SMU1: variants seen among roughly 807,000 people sequenced by gnomAD.
SMU1 encodes WD40 repeat-containing protein SMU1.
Under a neutral mutation model 62.0 loss-of-function variants are expected in SMU1, and 2 were observed. That is an observed-to-expected ratio of 0.03 (90% CI 0.01 to 0.10). The LOEUF (loss-of-function observed/expected upper bound fraction) is 0.10, where lower values mean the gene tolerates loss of function less well. SMU1 is among the 10% of genes least tolerant of loss of function. The pLI is 1.00. For missense variants in SMU1, 227 were observed against 622.1 expected (o/e 0.36, Z 6.76); for synonymous variants, 188 against 212.4 (o/e 0.89, Z 1.00).
chr9:33,069,667 T>C (rs759445464), intron 3 of SMU1, among the ~76,000 whole-genome samples: 4 of 151,960 alleles, frequency 2.6e-5, no homozygotes, highest in Non-Finnish European at 5.9e-5. Flanking sequence ...CAGGCCATAG[T>C]GGTGGGTGCC....
At chr9:33,069,559 C>T (rs1017353064) in intron 3 of SMU1, among the ~76,000 whole-genome samples, 1 of 152,106 alleles carries the variant, frequency 6.6e-6, no homozygotes, top group Non-Finnish European at 1.5e-5. Flanking sequence ...CCAACATTTT[C>T]GGGGGCTGAG....
intron 3 of SMU1, among the ~76,000 whole-genome samples, chr9:33,071,317 G>A (rs1046234318): frequency 1.3e-5 from 2 of 152,130 alleles, no homozygotes; most frequent in Admixed American, 1.3e-4. Context: ...ATGCTCTACT[G>A]GTAAGCATAA....
intron 10 of SMU1, among the ~76,000 whole-genome samples, chr9:33,052,535 T>G (rs998799995): frequency 1.3e-5 from 2 of 152,124 alleles, no homozygotes; most frequent in African/African-American, 4.8e-5. Context: ...CTGGGTCTTC[T>G]CTATGGTCAG....
intron 1 of SMU1, 100 bp from the exon 2 acceptor site, chr9:33,073,906 ATTTC>A: frequency 1.8e-6 from 2 of 1,099,388 alleles, no homozygotes; most frequent in African/African-American, 1.6e-5. Flanking sequence ...TTTCACTACT[ATTTC>A]TTTATCATGT....
In SMU1 at chr9:33,043,274, G is replaced by GA. The variant is rs1217796905; in HGVS notation, c.*4018dup. 6.6e-6 allele frequency: 1 copy of GA among 152,170 alleles called. No individual in the cohort carries two copies. The highest frequency in any genetic ancestry group is 2.4e-5 in the African/African-American group (1 of 41,454). 9.4% of individuals were successfully genotyped at this position (152,170 alleles called of 1,614,324 possible). A position where few individuals can be genotyped will look rare whatever the true frequency, so the allele number is the denominator to read the frequency against. On this transcript the variant is annotated 3_prime_UTR_variant, in exon 12 of 12. Coordinates refer to ENST00000397149, the MANE Select transcript of SMU1 (RefSeq NM_018225.3). ...GAACACTAGCAAGCTATGGCAATTTGAAAAAATGTGATTTTAAGAGTCAGT... is the reference window on the plus strand; with the variant it reads ...GAACACTAGCAAGCTATGGCAATTTGAAAAAAATGTGATTTTAAGAGTCAGT...
At chr9:33,055,317 C>T (rs888416364) in intron 9 of SMU1, among the ~76,000 whole-genome samples, 3 of 152,158 alleles carry the variant, frequency 2.0e-5, no homozygotes, top group African/African-American at 7.2e-5. Context: ...GCTAGGAATA[C>T]AGGTATACGC....
chr9:33,042,694 A>G lies in SMU1; in HGVS notation c.*4599T>C, dbSNP rs1396478629. 1.3e-5 allele frequency: 2 copies of G among 152,280 alleles called. No individual in the cohort carries two copies. Among genetic ancestry groups the G allele is most frequent in the Non-Finnish European group, 2.9e-5 (2 of 68,056 alleles). 9.4% of individuals were successfully genotyped at this position (152,280 alleles called of 1,614,324 possible). ...CTCGGCTGGGTGTAGCCTAAGCATC[A>G]AAATGATTATGCGCAGCCAAGGTTG... On this transcript the variant is annotated 3_prime_UTR_variant, in exon 12 of 12. Coordinates refer to ENST00000397149, the MANE Select transcript of SMU1 (RefSeq NM_018225.3).
rs1839192572 is a variant in SMU1, at chr9:33,046,957, G to A, written c.*336C>T. 1 of 189,328 alleles carries A rather than the reference G, an allele frequency of 5.3e-6. No individual in the cohort carries two copies. The highest frequency in any genetic ancestry group is 2.4e-5 in the African/African-American group (1 of 41,912). The allele number at this position is 189,328 out of a possible 1,614,324, so 11.7% of individuals were successfully genotyped here. On this transcript the variant is annotated 3_prime_UTR_variant, in exon 12 of 12. Transcript: ENST00000397149. ...ATATGATATAGTTCCTTATTTACAA[G>A]TTTTACTATGGGAGGGACATTTTCC...
chr9:33,046,789 G>C lies in SMU1; in HGVS notation c.*504C>G, dbSNP rs977795328. The stretch of plus-strand genomic sequence containing the variant: ...ACACCTGTAGTCCCCAGCTACTCGG[G>C]AGGCTGAGGCAAGAGAATCGCTTGA... On this transcript the variant is annotated 3_prime_UTR_variant, in exon 12 of 12. Transcript: ENST00000397149. 24 of 152,984 alleles carry C rather than the reference G, an allele frequency of 1.6e-4. No homozygotes were observed. The Admixed American group carries it at 1.6e-3, about 10-fold the overall frequency. 9.5% of individuals were successfully genotyped at this position (152,984 alleles called of 1,614,324 possible).
chr9:33,057,706 C>T lies in SMU1; in HGVS notation c.759G>A (p.Lys253=). ...TCATAAAGTTATCTTGGGCCTGGTA[C>T]TTAAGATCCTAAAGAAACAATGGTT... ...FTTGKIRKDL[K]YQAQDNFMMM... The change falls in exon 7 of 12, where the codon AAG becomes AAA. Residue 253 remains lysine (K), a synonymous_variant. Coordinates refer to ENST00000397149, the MANE Select transcript of SMU1 (RefSeq NM_018225.3). The T allele has an allele frequency of 6.2e-7, 1 of 1,613,742 alleles. No homozygotes were observed. The highest frequency in any genetic ancestry group is 1.1e-5 in the South Asian group (1 of 91,076).
Position 33,042,620 on chromosome 9 carries a change from G to C in SMU1, c.*4673C>G, listed in dbSNP as rs1839138910. On this transcript the variant is annotated 3_prime_UTR_variant, in exon 12 of 12. Coordinates refer to ENST00000397149, the MANE Select transcript of SMU1 (RefSeq NM_018225.3). ...CTTGGCTACCATTGGAATTACCCGG[G>C]AAACATTAAAACACTCATCAGGTCC... 1 of 152,142 alleles carries C rather than the reference G, an allele frequency of 6.6e-6. No individual in the cohort carries two copies. Among genetic ancestry groups the C allele is most frequent in the Non-Finnish European group, 1.5e-5 (1 of 68,034 alleles). 9.4% of individuals were successfully genotyped at this position (152,142 alleles called of 1,614,324 possible).
chr9:33,051,780 C>T (rs1432534945), intron 10 of SMU1, among the ~76,000 whole-genome samples: 4 of 152,032 alleles, frequency 2.6e-5, no homozygotes, highest in African/African-American at 7.3e-5. Context: ...CCTGGCCAGG[C>T]GCAGTGGCTC....
chr9:33,071,391 G>A (rs768671858), intron 3 of SMU1, among the ~76,000 whole-genome samples: 2 of 152,146 alleles, frequency 1.3e-5, no homozygotes, highest in Non-Finnish European at 2.9e-5. Context: ...ATTGTTAGGG[G>A]CAAGACACAC....
At chr9:33,067,495 A>ACT (rs775892610) in intron 4 of SMU1, among the ~76,000 whole-genome samples, 2 of 143,002 alleles carry the variant, frequency 1.4e-5, no homozygotes, top group Non-Finnish European at 1.5e-5. Context: ...AAAGCAGCTT[A>ACT]CTTTTTTTTT....
intron 3 of SMU1, 94 bp from the exon 4 acceptor site, chr9:33,069,028 G>A: frequency 7.0e-7 from 1 of 1,428,282 alleles, no homozygotes; most frequent in Non-Finnish European, 9.2e-7. Context: ...CATACACAGA[G>A]GAAAATGTGA....
chr9:33,070,875 G>A (rs954206572), intron 3 of SMU1, among the ~76,000 whole-genome samples: 8 of 152,174 alleles, frequency 5.3e-5, no homozygotes, highest in African/African-American at 1.9e-4. Context: ...GCTGGGAAGG[G>A]TGGAGGTGGC....
At position 33,066,465 on chromosome 9, in the gene SMU1, T is replaced by G. The variant is rs190320091; in HGVS notation, c.501+2359A>C. ...AGTACTTAGGAAGGCAGAGGCAGGA[T>G]AGTCTGGGCAACACAGCAAGGCTCT... is the stretch of plus-strand genomic sequence containing the variant. On this transcript the variant is annotated intron_variant, in intron 4 of 11. Coordinates refer to ENST00000397149, the MANE Select transcript of SMU1 (RefSeq NM_018225.3). Among the ~76,000 whole-genome samples the G allele has an allele frequency of 8.2e-5, 11 of 133,924 alleles. No individual in the cohort carries two copies. The East Asian group carries it at 2.2e-3, about 26-fold the overall frequency. 87.9% of individuals were successfully genotyped at this position (133,924 alleles called of 152,430 possible). A position where few individuals can be genotyped will look rare whatever the true frequency, so the allele number is the denominator to read the frequency against.
intron 1 of SMU1, among the ~76,000 whole-genome samples, chr9:33,075,103 G>A (rs1039348004): frequency 1.3e-5 from 2 of 152,168 alleles, no homozygotes; most frequent in African/African-American, 4.8e-5. Flanking sequence ...TAGGCCGGCC[G>A]CGGTGGCTCA....
In SMU1 at chr9:33,045,495, TG is replaced by T. The variant is rs1839173776; in HGVS notation, c.*1797del. On this transcript the variant is annotated 3_prime_UTR_variant, in exon 12 of 12. Transcript: ENST00000397149. ...TGCCCAGAATTAATTCAGCAAACAC[TG>T]AACATTACTACGTGCCACATATAGG... The T allele has an allele frequency of 6.6e-6, 1 of 152,248 alleles. No individual in the cohort carries two copies. Among genetic ancestry groups the T allele is most frequent in the Non-Finnish European group, 1.5e-5 (1 of 68,058 alleles). 9.4% of individuals were successfully genotyped at this position (152,248 alleles called of 1,614,324 possible). A position where few individuals can be genotyped will look rare whatever the true frequency, so the allele number is the denominator to read the frequency against.
Sources: gnomAD v4.1 joint callset for allele counts (sites outside exome capture counted in the v4.1 genomes callset) on GRCh38, gnomAD v4.1.1 for gene constraint, MANE v1.5 for transcripts, NCBI Gene and HGNC (gene_info 2026-07-23, HGNC 2026-07-21) for gene names.